RNF180: variants seen among roughly 807,000 people sequenced by gnomAD.
RNF180 encodes E3 ubiquitin-protein ligase RNF180.
RNF180 carries 38 observed loss-of-function variants against 59.2 expected under a neutral mutation model. The ratio of observed to expected loss-of-function variants is 0.64; its 90% CI spans 0.50 to 0.84. The LOEUF (loss-of-function observed/expected upper bound fraction) is 0.84, where lower values mean the gene tolerates loss of function less well. RNF180 is among the 40% of genes least tolerant of loss of function. The pLI is 0.00. For synonymous variants in RNF180, 262 were observed against 240.3 expected (o/e 1.09, Z -0.84); for missense variants, 705 against 700.9 (o/e 1.01, Z -0.07).
intron 1 of RNF180, among the ~76,000 whole-genome samples, chr5:64,194,627 T>C (rs1399750576): frequency 6.6e-6 from 1 of 152,184 alleles, no homozygotes; most frequent in Non-Finnish European, 1.5e-5. Context: ...ACCAACAGTG[T>C]AAAAGTGTTC....
At chr5:64,174,947 TTTAATCCAGTTC>T in intron 1 of RNF180, among the ~76,000 whole-genome samples, 1 of 150,958 alleles carries the variant, frequency 6.6e-6, no homozygotes, top group East Asian at 1.9e-4. Flanking sequence ...CATTTAAGTC[TTTAATCCAGTTC>T]TTTTTTTTTT....
intron 5 of RNF180, among the ~76,000 whole-genome samples, chr5:64,313,337 T>C (rs1743872664): frequency 6.6e-6 from 1 of 152,096 alleles, no homozygotes; most frequent in Non-Finnish European, 1.5e-5. Flanking sequence ...GGCTCCTGTG[T>C]CTGTTGTTCC....
intron 5 of RNF180, among the ~76,000 whole-genome samples, chr5:64,270,305 A>G (rs894301902): frequency 1.8e-4 from 28 of 152,128 alleles, no homozygotes; most frequent in African/African-American, 6.0e-4. Flanking sequence ...ATATCCTTTT[A>G]TCTTCAATTT....
rs60978090 is a variant in RNF180, at chr5:64,190,433, C to T, written c.1-10375C>T. Among the ~76,000 whole-genome samples the T allele has an allele frequency of 9.0e-3, 1,364 of 152,200 alleles. 22 individuals are homozygous for T. The highest frequency in any genetic ancestry group is 0.03 in the African/African-American group (1,231 of 41,518). Reference sequence around the variant, plus strand: ...GTTATACCTTGAGTCTCATCCATACCTGATTTAGATGATATTTAGATGCGA... The same window carrying T: ...GTTATACCTTGAGTCTCATCCATACTTGATTTAGATGATATTTAGATGCGA... On this transcript the variant is annotated intron_variant, in intron 1 of 7. Coordinates refer to ENST00000389100, the MANE Select transcript of RNF180 (RefSeq NM_001113561.2).
At chr5:64,220,666 C>G (rs866534272) in intron 5 of RNF180, among the ~76,000 whole-genome samples, 4 of 152,016 alleles carry the variant, frequency 2.6e-5, no homozygotes, top group Admixed American at 2.0e-4. Flanking sequence ...TCTATTTAAA[C>G]AGCATTTCAT....
At chr5:64,213,284 A>G (rs1294575076) in intron 3 of RNF180, among the ~76,000 whole-genome samples, 1 of 152,118 alleles carries the variant, frequency 6.6e-6, no homozygotes. Flanking sequence ...TATTCAACCT[A>G]TTGTTCAAGA....
chr5:64,297,348 C>G (rs535291821), intron 5 of RNF180, among the ~76,000 whole-genome samples: 1 of 151,970 alleles, frequency 6.6e-6, no homozygotes, highest in Non-Finnish European at 1.5e-5. Flanking sequence ...CCTATATGTC[C>G]AGTCTATTCT....
At chr5:64,254,386 A>G (rs1009683617) in intron 5 of RNF180, among the ~76,000 whole-genome samples, 1 of 152,182 alleles carries the variant, frequency 6.6e-6, no homozygotes, top group Non-Finnish European at 1.5e-5. Flanking sequence ...CTGGTAATGT[A>G]TGGCTCTTCA....
chr5:64,194,764 A>AT (rs1751371169), intron 1 of RNF180, among the ~76,000 whole-genome samples: 1 of 152,138 alleles, frequency 6.6e-6, no homozygotes, highest in South Asian at 2.1e-4. Flanking sequence ...GATGATGAGC[A>AT]TTTTTTCATG....
chr5:64,239,584 T>G (rs779295762), intron 5 of RNF180, among the ~76,000 whole-genome samples: 2 of 152,144 alleles, frequency 1.3e-5, no homozygotes, highest in Non-Finnish European at 2.9e-5. Flanking sequence ...TTGTATTGAT[T>G]ATGGCATTTT....
chr5:64,214,343 C>T lies in RNF180; in HGVS notation c.1017C>T (p.Gly339=). ...TCCTGATGGACCTGCCCTCAGCTGG[C>T]AGGAGCATGCCGGAGGCCTCAGACC... ...LTFLMDLPSA[G]RSMPEASDQE... The change falls in exon 4 of 8, where the codon GGC becomes GGT. Residue 339 remains glycine, a synonymous_variant. Coordinates refer to ENST00000389100, the MANE Select transcript of RNF180 (RefSeq NM_001113561.2). 1 of 1,614,062 alleles carries T rather than the reference C, an allele frequency of 6.2e-7. No individual in the cohort carries two copies. Among genetic ancestry groups the T allele is most frequent in the South Asian group, 1.1e-5 (1 of 91,082 alleles).
In RNF180 at chr5:64,302,358, T is replaced by TC. The variant is rs542164454; in HGVS notation, c.1228-22827dup. On this transcript the variant is annotated intron_variant, in intron 5 of 7. Coordinates refer to ENST00000389100, the MANE Select transcript of RNF180 (RefSeq NM_001113561.2). ...TTTATTTTTTTAGTTCGGATTCTGT[T>TC]CTCTACCATTATATCCCTAGTCCAT... 2.3e-3 allele frequency among the ~76,000 whole-genome samples: 347 copies of TC among 151,740 alleles called. 2 individuals carry two copies. Among genetic ancestry groups the TC allele is most frequent in the African/African-American group, 7.7e-3 (319 of 41,476 alleles).
intron 1 of RNF180, among the ~76,000 whole-genome samples, chr5:64,192,043 G>A (rs1380326636): frequency 1.3e-5 from 2 of 151,990 alleles, no homozygotes; most frequent in Non-Finnish European, 2.9e-5. Flanking sequence ...ATTTGTTGAA[G>A]AAACTGTCCT....
intron 7 of RNF180, among the ~76,000 whole-genome samples, chr5:64,349,556 A>G (rs1054692685): frequency 8.6e-5 from 13 of 151,882 alleles, no homozygotes; most frequent in Non-Finnish European, 1.0e-4. Context: ...CATTAGGTAT[A>G]TCTCCTAATA....
chr5:64,217,964 A>C (rs1017294440), intron 5 of RNF180, among the ~76,000 whole-genome samples: 1 of 151,804 alleles, frequency 6.6e-6, no homozygotes, highest in Admixed American at 6.6e-5. Context: ...TCTTTTACTC[A>C]CTTTTTAATT....
At chr5:64,293,743 A>T (rs1301391303) in intron 5 of RNF180, among the ~76,000 whole-genome samples, 3 of 152,076 alleles carry the variant, frequency 2.0e-5, no homozygotes, top group African/African-American at 7.2e-5. Flanking sequence ...AGAGTTATGT[A>T]CTTTATTTCT....
intron 5 of RNF180, among the ~76,000 whole-genome samples, chr5:64,221,171 C>T (rs1349925001): frequency 6.6e-6 from 1 of 151,928 alleles, no homozygotes; most frequent in Non-Finnish European, 1.5e-5. Context: ...TTTGATTATG[C>T]AGTAGAATTA....
intron 7 of RNF180, among the ~76,000 whole-genome samples, chr5:64,350,889 C>T (rs971269873): frequency 6.6e-5 from 10 of 151,864 alleles, no homozygotes; most frequent in African/African-American, 2.2e-4. Flanking sequence ...CTTGGCAATG[C>T]GGGCTCTTTT....
intron 2 of RNF180, among the ~76,000 whole-genome samples, chr5:64,206,590 A>G (rs532610775): frequency 3.3e-5 from 5 of 152,316 alleles, no homozygotes; most frequent in East Asian, 1.9e-4. Context: ...GTGATACCGT[A>G]TATTTGTTCC....
Sources: gnomAD v4.1 joint callset for allele counts (sites outside exome capture counted in the v4.1 genomes callset) on GRCh38, gnomAD v4.1.1 for gene constraint, MANE v1.5 for transcripts, NCBI Gene and HGNC (gene_info 2026-07-23, HGNC 2026-07-21) for gene names.